Variants in SORCS1 observed in about 807,000 individuals in gnomAD.
SORCS1 encodes the protein sortilin related VPS10 domain containing receptor 1, also known as VPS10 domain-containing receptor SorCS1.
A neutral mutation model predicts 146.1 loss-of-function variants in SORCS1; 60 were observed. The ratio of observed to expected loss-of-function variants is 0.41; its 90% CI spans 0.33 to 0.51. SORCS1 has a LOEUF of 0.51. SORCS1 is among the 20% of genes least tolerant of loss of function. SORCS1 has a pLI of 0.21. For synonymous variants in SORCS1, 637 were observed against 584.0 expected (o/e 1.09, Z -1.31); for missense variants, 1,352 against 1,487.6 (o/e 0.91, Z 1.50).
At chr10:107,119,293 C>T (rs1290527679) in intron 1 of SORCS1, among the ~76,000 whole-genome samples, 1 of 152,142 alleles carries the variant, frequency 6.6e-6, no homozygotes, top group Non-Finnish European at 1.5e-5. Flanking sequence ...ATTAAATGTG[C>T]TCTTATTGTT....
At chr10:107,146,688 C>T (rs1565103939) in intron 1 of SORCS1, among the ~76,000 whole-genome samples, 1 of 152,152 alleles carries the variant, frequency 6.6e-6, no homozygotes, top group South Asian at 2.1e-4. Context: ...AAGAGCTGAG[C>T]TTTTCAGACC....
At chr10:106,795,281 G>T (rs1946501791) in intron 3 of SORCS1, among the ~76,000 whole-genome samples, 1 of 150,936 alleles carries the variant, frequency 6.6e-6, no homozygotes, top group East Asian at 1.9e-4. Flanking sequence ...TAATCTAGTT[G>T]TTTTTTTTTG....
chr10:106,815,293 A>G (rs1004153898), intron 3 of SORCS1, among the ~76,000 whole-genome samples: 3 of 152,150 alleles, frequency 2.0e-5, no homozygotes, highest in Non-Finnish European at 4.4e-5. Flanking sequence ...GAAAGAAAAA[A>G]GGAAGGAATA....
chr10:106,885,288 G>C (rs982003907), intron 2 of SORCS1, among the ~76,000 whole-genome samples: 13 of 149,268 alleles, frequency 8.7e-5, no homozygotes, highest in East Asian at 8.1e-4. Flanking sequence ...AGAAAATTGG[G>C]GGGGGGGAAC....
At chr10:106,860,623 G>T (rs1804120346) in intron 2 of SORCS1, among the ~76,000 whole-genome samples, 1 of 152,200 alleles carries the variant, frequency 6.6e-6, no homozygotes. Context: ...ACATGGCCTA[G>T]ATTCAAACTC....
At chr10:106,876,127 C>T (rs1271343671) in intron 2 of SORCS1, among the ~76,000 whole-genome samples, 2 of 152,120 alleles carry the variant, frequency 1.3e-5, no homozygotes, top group African/African-American at 2.4e-5. Flanking sequence ...AGTGCCTGAA[C>T]CTTCCTTTTC....
In SORCS1 at chr10:106,965,018, T is replaced by C. The variant is rs1297500694; in HGVS notation, c.559-8438A>G. ...GACTCAAGCAATAAGTGGTTCATTA[T>C]GTCATATAGCAGGAAGTCCAGAGTT... On this transcript the variant is annotated intron_variant, in intron 1 of 25. Transcript: ENST00000263054. 2.0e-5 allele frequency among the ~76,000 whole-genome samples: 3 copies of C among 151,502 alleles called. No individual in the cohort carries two copies. The East Asian group carries it at 5.8e-4, about 29-fold the overall frequency.
chr10:106,768,485 C>A (rs894128790), intron 4 of SORCS1, among the ~76,000 whole-genome samples: 3 of 152,098 alleles, frequency 2.0e-5, no homozygotes, highest in African/African-American at 7.2e-5. Context: ...CTCAATCTTG[C>A]CCTTTTGACA....
chr10:107,137,696 C>T (rs887114587), intron 1 of SORCS1, among the ~76,000 whole-genome samples: 1 of 151,998 alleles, frequency 6.6e-6, no homozygotes, highest in Non-Finnish European at 1.5e-5. Context: ...AACGCCATCT[C>T]TACTAAAAAC....
chr10:106,592,600 G>T (rs1443044015), intron 24 of SORCS1, among the ~76,000 whole-genome samples: 1 of 152,158 alleles, frequency 6.6e-6, no homozygotes, highest in Non-Finnish European at 1.5e-5. Context: ...ACAGCATGTT[G>T]TAATGGTCCC....
chr10:106,762,526 G>A (rs111783869), intron 4 of SORCS1, among the ~76,000 whole-genome samples: 68 of 150,172 alleles, frequency 4.5e-4, no homozygotes, highest in African/African-American at 1.6e-3. Context: ...CCAAGTAGCT[G>A]GGACTACAGG....
intron 3 of SORCS1, among the ~76,000 whole-genome samples, chr10:106,822,637 CA>C (rs1589475431): frequency 6.6e-6 from 1 of 151,778 alleles, no homozygotes; most frequent in South Asian, 2.1e-4. Context: ...CAGCGGTACC[CA>C]AAAAAAGATC....
At chr10:107,015,315 C>A (rs1957853360) in intron 1 of SORCS1, among the ~76,000 whole-genome samples, 1 of 152,096 alleles carries the variant, frequency 6.6e-6, no homozygotes, top group Admixed American at 6.6e-5. Flanking sequence ...TATGGTATGT[C>A]AGAAGGTGAC....
intron 2 of SORCS1, among the ~76,000 whole-genome samples, chr10:106,850,950 T>C (rs368898061): frequency 6.6e-6 from 1 of 152,204 alleles, no homozygotes; most frequent in East Asian, 1.9e-4. Flanking sequence ...ACACAGAAAC[T>C]TGGAGTCATT....
intron 1 of SORCS1, among the ~76,000 whole-genome samples, chr10:107,132,711 T>A (rs1966951480): frequency 6.6e-6 from 1 of 152,206 alleles, no homozygotes; most frequent in Non-Finnish European, 1.5e-5. Flanking sequence ...CTAGTTCCAT[T>A]CAAACAATCG....
chr10:106,816,506 G>A (rs1482628839), intron 3 of SORCS1, among the ~76,000 whole-genome samples: 1 of 152,140 alleles, frequency 6.6e-6, no homozygotes, highest in Non-Finnish European at 1.5e-5. Flanking sequence ...AGGGCAGAAC[G>A]GCCCTGCAAT....
chr10:106,907,626 T>C (rs1951965533), intron 2 of SORCS1, among the ~76,000 whole-genome samples: 1 of 152,110 alleles, frequency 6.6e-6, no homozygotes, highest in Admixed American at 6.6e-5. Flanking sequence ...CCATGAATAA[T>C]GTTAAAAAAT....
At chr10:106,924,270 A>T (rs11193106) in intron 2 of SORCS1, among the ~76,000 whole-genome samples, 58,169 of 147,184 alleles carry the variant, frequency 0.4, 12,129 homozygotes, top group African/African-American at 0.47. Context: ...AAAAAAAAAA[A>T]CTACCTTTTA....
At chr10:106,709,752 T>C (rs1244510754) in intron 6 of SORCS1, among the ~76,000 whole-genome samples, 2 of 152,162 alleles carry the variant, frequency 1.3e-5, no homozygotes, top group Non-Finnish European at 2.9e-5. Context: ...CCAGCCACCA[T>C]TTCCAGTTCT....
Sources: allele counts gnomAD v4.1 joint callset (sites outside exome capture counted in the v4.1 genomes callset), GRCh38; gene constraint gnomAD v4.1.1; transcripts MANE v1.5; gene names NCBI Gene and HGNC (gene_info 2026-07-23, HGNC 2026-07-21).